Variants in DLGAP1 observed in about 807,000 individuals in gnomAD.
The protein encoded by DLGAP1 is disks large-associated protein 1.
DLGAP1 carries 11 observed loss-of-function variants against 90.8 expected under a neutral mutation model. The observed-to-expected ratio is 0.12, with a 90% CI of 0.08 to 0.20. The LOEUF (loss-of-function observed/expected upper bound fraction) is 0.20, where lower values mean the gene tolerates loss of function less well. DLGAP1 is among the 10% of genes least tolerant of loss of function. The pLI, the probability that DLGAP1 is intolerant of heterozygous loss-of-function variation, is 1.00. For synonymous variants in DLGAP1, 558 were observed against 540.7 expected (o/e 1.03, Z -0.44); for missense variants, 1,050 against 1,333.8 (o/e 0.79, Z 3.31).
intron 1 of DLGAP1, among the ~76,000 whole-genome samples, chr18:4,247,963 A>T (rs1350744693): frequency 2.6e-5 from 4 of 152,110 alleles, no homozygotes; most frequent in Admixed American, 6.5e-5. Flanking sequence ...ATATACTGGG[A>T]TCTAAAATTC....
intron 1 of DLGAP1, among the ~76,000 whole-genome samples, chr18:4,396,813 C>G (rs944899855): frequency 1.3e-5 from 2 of 152,194 alleles, no homozygotes; most frequent in Non-Finnish European, 2.9e-5. Flanking sequence ...CTGTGGTTCA[C>G]TGAATGAAGA....
At chr18:4,236,347 GGTCTTCATCAA>G (rs2078414328) in intron 1 of DLGAP1, among the ~76,000 whole-genome samples, 1 of 152,068 alleles carries the variant, frequency 6.6e-6, no homozygotes, top group Non-Finnish European at 1.5e-5. Flanking sequence ...CCTTTCGCTG[GGTCTTCATCAA>G]GTCCATTATG....
intron 5 of DLGAP1, among the ~76,000 whole-genome samples, chr18:3,803,658 A>T (rs773408312): frequency 6.6e-6 from 1 of 151,956 alleles, no homozygotes; most frequent in Non-Finnish European, 1.5e-5. Flanking sequence ...AAGTCCTCAG[A>T]GTTTCATGAG....
intron 7 of DLGAP1, among the ~76,000 whole-genome samples, chr18:3,700,780 T>G (rs1362784515): frequency 2.0e-5 from 3 of 152,058 alleles, no homozygotes; most frequent in African/African-American, 7.2e-5. Flanking sequence ...CGGCTAATTT[T>G]TTGTACTTTT....
At chr18:3,780,818 A>G (rs2065155452) in intron 5 of DLGAP1, among the ~76,000 whole-genome samples, 2 of 152,108 alleles carry the variant, frequency 1.3e-5, no homozygotes, top group South Asian at 4.1e-4. Context: ...TATATTTTTT[A>G]GAGACAGGGT....
intron 2 of DLGAP1, among the ~76,000 whole-genome samples, chr18:4,118,010 C>T (rs72858730): frequency 0.12 from 18,208 of 151,670 alleles, 1,125 homozygotes; most frequent in Middle Eastern, 0.19. Context: ...TCATGACCGC[C>T]AGGGTTATGT....
chr18:3,522,611 C>T (rs541361030), intron 10 of DLGAP1, among the ~76,000 whole-genome samples: 7 of 139,954 alleles, frequency 5.0e-5, no homozygotes, highest in African/African-American at 8.3e-5. Flanking sequence ...GGCCCAATCT[C>T]GGCTAACTGC....
intron 1 of DLGAP1, among the ~76,000 whole-genome samples, chr18:4,271,081 C>T (rs1014709737): frequency 6.6e-6 from 1 of 152,102 alleles, no homozygotes; most frequent in Non-Finnish European, 1.5e-5. Flanking sequence ...ACAATCCCCT[C>T]TATAAAGGGG....
At chr18:4,018,009 T>G (rs1212401419) in intron 2 of DLGAP1, among the ~76,000 whole-genome samples, 3 of 152,198 alleles carry the variant, frequency 2.0e-5, no homozygotes, top group Non-Finnish European at 4.4e-5. Context: ...ACGCAGAAAA[T>G]CACTCACATG....
At chr18:3,847,032 A>C (rs756849621) in intron 4 of DLGAP1, among the ~76,000 whole-genome samples, 1 of 152,226 alleles carries the variant, frequency 6.6e-6, no homozygotes, top group Non-Finnish European at 1.5e-5. Flanking sequence ...TTGCTTGCTC[A>C]TGATATATGA....
intron 7 of DLGAP1, among the ~76,000 whole-genome samples, chr18:3,596,042 C>G (rs1164573120): frequency 6.6e-6 from 1 of 152,186 alleles, no homozygotes; most frequent in African/African-American, 2.4e-5. Context: ...TATAAGGTTT[C>G]CTGTTTGGGC....
chr18:3,522,135 C>T (rs1382176059), intron 10 of DLGAP1, among the ~76,000 whole-genome samples: 19 of 98,196 alleles, frequency 1.9e-4, no homozygotes, highest in East Asian at 1.6e-3. Context: ...TTCTTTCTTG[C>T]TTTTTTTTTT....
chr18:4,212,950 C>G (rs954310317), intron 1 of DLGAP1, among the ~76,000 whole-genome samples: 1 of 152,064 alleles, frequency 6.6e-6, no homozygotes. Flanking sequence ...TACCAACAAT[C>G]TACAGATAAT....
chr18:3,852,613 C>G (rs2148692588), intron 4 of DLGAP1, among the ~76,000 whole-genome samples: 1 of 152,274 alleles, frequency 6.6e-6, no homozygotes, highest in South Asian at 2.1e-4. Context: ...TCCAACATGA[C>G]AGGAAGTTCC....
chr18:4,048,001 A>G (rs989102114), intron 2 of DLGAP1, among the ~76,000 whole-genome samples: 85 of 152,098 alleles, frequency 5.6e-4, no homozygotes, highest in African/African-American at 2.0e-3. Flanking sequence ...GTCTCACTAC[A>G]CTGCCAGGCT....
chr18:3,810,038 T>C (rs1568171930), intron 5 of DLGAP1, among the ~76,000 whole-genome samples: 1 of 152,198 alleles, frequency 6.6e-6, no homozygotes, highest in East Asian at 1.9e-4. Context: ...CTAATATTCT[T>C]GGGTGATACG....
chr18:4,427,752 G>A (rs1474463816), intron 1 of DLGAP1, among the ~76,000 whole-genome samples: 2 of 152,128 alleles, frequency 1.3e-5, no homozygotes, highest in Non-Finnish European at 2.9e-5. Context: ...TGTAAGTCAT[G>A]GGGAAAATGC....
intron 10 of DLGAP1, among the ~76,000 whole-genome samples, chr18:3,512,553 G>C (rs911359112): frequency 1.3e-5 from 2 of 152,226 alleles, no homozygotes; most frequent in African/African-American, 4.8e-5. Flanking sequence ...ATCACATAAA[G>C]TCAGGAGGAA....
chr18:4,214,444 G>T (rs529596242), intron 1 of DLGAP1, among the ~76,000 whole-genome samples: 1 of 152,114 alleles, frequency 6.6e-6, no homozygotes, highest in African/African-American at 2.4e-5. Context: ...TCCTGGAATT[G>T]TGCTAGGCAC....
Sources: allele counts gnomAD v4.1 joint callset (sites outside exome capture counted in the v4.1 genomes callset), GRCh38; gene constraint gnomAD v4.1.1; transcripts MANE v1.5; gene names NCBI Gene and HGNC (gene_info 2026-07-23, HGNC 2026-07-21).